ALG11: variants seen among roughly 807,000 people sequenced by gnomAD.
The protein encoded by ALG11 is GDP-Man:Man(3)GlcNAc(2)-PP-Dol alpha-1,2-mannosyltransferase.
ALG11 carries 26 observed loss-of-function variants against 38.8 expected under a neutral mutation model. That is an observed-to-expected ratio of 0.67 (90% CI 0.49 to 0.93). The LOEUF is 0.93. ALG11 is among the 40% of genes least tolerant of loss of function. The probability of loss-of-function intolerance (pLI) is 0.00; values close to 1 mark genes in which losing one functional copy is unlikely to be tolerated. For synonymous variants in ALG11, 199 were observed against 211.6 expected (o/e 0.94, Z 0.52); for missense variants, 535 against 578.8 (o/e 0.92, Z 0.78).
intron 1 of ALG11, among the ~76,000 whole-genome samples, chr13:52,014,643 TCC>T (rs897671862): frequency 3.3e-5 from 5 of 151,988 alleles, no homozygotes; most frequent in African/African-American, 1.2e-4. Context: ...CAAGCAATCC[TCC>T]CACCTCAGCC....
In ALG11 at chr13:52,024,508, T is replaced by C. The variant is rs1301367744; in HGVS notation, c.778T>C (p.Trp260Arg). The C allele has an allele frequency of 2.5e-6, 4 of 1,614,114 alleles. No homozygotes were observed. The highest frequency in any genetic ancestry group is 2.5e-6 in the Non-Finnish European group (3 of 1,180,048). ...CSDVVMVNSS[W>R]TLNHILSLWK... ...TGATGTAGTCATGGTCAATTCTTCT[T>C]GGACACTAAACCATATTCTCTCACT... Residue 260 changes from tryptophan to arginine, a missense_variant, in exon 3 of 4, where the codon TGG (tryptophan) becomes CGG (arginine). Transcript: ENST00000521508.
chr13:52,028,233 A>T, intron 3 of ALG11, 86 bp from the exon 4 acceptor site: 1 of 1,541,950 alleles, frequency 6.5e-7, no homozygotes, highest in Non-Finnish European at 8.9e-7. Context: ...AGTCCCTTAA[A>T]TTTTTTGAAG....
chr13:52,023,531 GA>G (rs1954204919), intron 2 of ALG11: 1 of 150,522 alleles, frequency 6.6e-6, no homozygotes, highest in Non-Finnish European at 1.5e-5. Flanking sequence ...CCGGGAGGCA[GA>G]GATTGTCAGC....
rs568068560 is a variant in ALG11, at chr13:52,031,954, G to T, written c.*3364G>T. ...ACGACAGTTAAGGGCTGGGTGCGGTGTCTCACACCTGTAATCCCAGCACTT... is the reference window on the plus strand; with the variant it reads ...ACGACAGTTAAGGGCTGGGTGCGGTTTCTCACACCTGTAATCCCAGCACTT... On this transcript the variant is annotated 3_prime_UTR_variant, in exon 4 of 4. Coordinates refer to ENST00000521508, the MANE Select transcript of ALG11 (RefSeq NM_001004127.3). 114 of 166,462 alleles carry T rather than the reference G, an allele frequency of 6.8e-4. 2 individuals carry two copies. Among genetic ancestry groups the T allele is most frequent in the South Asian group, 1.9e-3 (9 of 4,828 alleles). The allele number at this position is 166,462 out of a possible 1,614,324, so 10.3% of individuals were successfully genotyped here.
At chr13:52,018,870 T>C in intron 1 of ALG11, 43 bp from the exon 2 acceptor site, 1 of 1,508,690 alleles carries the variant, frequency 6.6e-7, no homozygotes, top group Non-Finnish European at 9.2e-7. Flanking sequence ...ATTTTTTTAA[T>C]GTATATATCA....
chr13:52,028,684 C>G lies in ALG11; in HGVS notation c.*94C>G. ...CTAAATTCAATCTCATTTGTCAAAT[C>G]ATTTTACTTTAGAAAACAGACAAAA... On this transcript the variant is annotated 3_prime_UTR_variant, in exon 4 of 4. Coordinates refer to ENST00000521508, the MANE Select transcript of ALG11 (RefSeq NM_001004127.3). The G allele has an allele frequency of 1.3e-6, 2 of 1,559,828 alleles. No individual in the cohort carries two copies. Among genetic ancestry groups the G allele is most frequent in the Non-Finnish European group, 1.8e-6 (2 of 1,142,246 alleles).
At chr13:52,028,280 A>T in intron 3 of ALG11, 39 bp from the exon 4 acceptor site, 1 of 1,613,798 alleles carries the variant, frequency 6.2e-7, no homozygotes. Flanking sequence ...ACACACTCAA[A>T]AACTTAAAAG....
Position 52,029,184 on chromosome 13 carries a change from T to C in ALG11, c.*594T>C, listed in dbSNP as rs780959857. ...CTTAACAAAGAAAAAATTGAACAGA[T>C]CCACAGAGAAGTAGCATTCAGTAAA... On this transcript the variant is annotated 3_prime_UTR_variant, in exon 4 of 4. Transcript: ENST00000521508. The C allele has an allele frequency of 1.9e-5, 31 of 1,613,888 alleles. No homozygotes were observed. The highest frequency in any genetic ancestry group is 2.5e-5 in the Non-Finnish European group (29 of 1,180,024).
intron 1 of ALG11, among the ~76,000 whole-genome samples, chr13:52,014,876 A>G (rs1954121845): frequency 6.6e-6 from 1 of 152,212 alleles, no homozygotes; most frequent in Non-Finnish European, 1.5e-5. Context: ...CCTCAGTAAA[A>G]TTTTTAAGAG....
chr13:52,017,526 A>G (rs1954144364), intron 1 of ALG11: 1 of 157,714 alleles, frequency 6.3e-6, no homozygotes, highest in East Asian at 1.8e-4. Flanking sequence ...GGTCTTTCCC[A>G]TGCTATTCTC....
chr13:52,031,079 C>T lies in ALG11; in HGVS notation c.*2489C>T, dbSNP rs747293991. 1.2e-5 allele frequency: 19 copies of T among 1,612,984 alleles called. No individual in the cohort carries two copies. Among genetic ancestry groups the T allele is most frequent in the African/African-American group, 1.1e-4 (8 of 74,842 alleles). On this transcript the variant is annotated 3_prime_UTR_variant, in exon 4 of 4. Coordinates refer to ENST00000521508, the MANE Select transcript of ALG11 (RefSeq NM_001004127.3). ...GAGGAATCCAAAACGAATCACCACA[C>T]GTCACAATAAAGAAGAAAAACTGTA...
At chr13:52,026,615 A>T (rs945964519) in intron 3 of ALG11, among the ~76,000 whole-genome samples, 1 of 152,168 alleles carries the variant, frequency 6.6e-6, no homozygotes, top group Non-Finnish European at 1.5e-5. Flanking sequence ...GTGTTAAATG[A>T]GGGAGGAAGA....
intron 2 of ALG11, among the ~76,000 whole-genome samples, chr13:52,020,253 C>G (rs987950148): frequency 1.3e-5 from 2 of 152,138 alleles, no homozygotes; most frequent in Non-Finnish European, 2.9e-5. Flanking sequence ...GTCATCACCA[C>G]CCCCCATACC....
Position 52,030,198 on chromosome 13 carries a change from TGAA to T in ALG11, c.*1610_*1612del, listed in dbSNP as rs1274381148. ...GAATTGAGGGCACTATCTCAGAAAT[TGAA>T]GGAAAAACATCAGTCCAGGAAGCAA... On this transcript the variant is annotated 3_prime_UTR_variant, in exon 4 of 4. Coordinates refer to ENST00000521508, the MANE Select transcript of ALG11 (RefSeq NM_001004127.3). 1 of 1,613,912 alleles carries T rather than the reference TGAA, an allele frequency of 6.2e-7. No individual in the cohort carries two copies. Among genetic ancestry groups the T allele is most frequent in the Non-Finnish European group, 8.5e-7 (1 of 1,179,998 alleles).
At position 52,030,951 on chromosome 13, in the gene ALG11, C is replaced by G. The variant is rs1954297504; in HGVS notation, c.*2361C>G. ...ACCCAGAGGGCTTTCCAAAAGCTGACTACTCCCAAGGTCGTCACCAAGCCA... is the reference window on the plus strand; with the variant it reads ...ACCCAGAGGGCTTTCCAAAAGCTGAGTACTCCCAAGGTCGTCACCAAGCCA... On this transcript the variant is annotated 3_prime_UTR_variant, in exon 4 of 4. Transcript: ENST00000521508. 2 of 1,614,104 alleles carry G rather than the reference C, an allele frequency of 1.2e-6. No homozygotes were observed. The highest frequency in any genetic ancestry group is 1.1e-5 in the South Asian group (1 of 91,082).
At position 52,030,689 on chromosome 13, in the gene ALG11, G is replaced by C; in HGVS notation, c.*2099G>C. ...AAAGGACGTGGACCTGACACTACCT[G>C]GCTGGGGCGAGTGGGGTGGTGTGGG... is the stretch of plus-strand genomic sequence containing the variant. On this transcript the variant is annotated 3_prime_UTR_variant, in exon 4 of 4. Transcript: ENST00000521508. 1 of 1,614,206 alleles carries C rather than the reference G, an allele frequency of 6.2e-7. No homozygotes were observed. The highest frequency in any genetic ancestry group is 8.5e-7 in the Non-Finnish European group (1 of 1,180,028).
In ALG11 at chr13:52,029,429, G is replaced by T. The variant is rs781704785; in HGVS notation, c.*839G>T. 1.9e-6 allele frequency: 3 copies of T among 1,614,136 alleles called. No individual in the cohort carries two copies. Among genetic ancestry groups the T allele is most frequent in the Admixed American group, 1.7e-5 (1 of 60,020 alleles). The stretch of plus-strand genomic sequence containing the variant: ...TCCTTTACTGACTCCCATGGAAAAG[G>T]CCTCTCTCCAAGCCATGAGCCTGGA... On this transcript the variant is annotated 3_prime_UTR_variant, in exon 4 of 4. Transcript: ENST00000521508.
At chr13:52,022,609 C>T (rs1954193393) in intron 2 of ALG11, 1 of 152,134 alleles carries the variant, frequency 6.6e-6, no homozygotes, top group African/African-American at 2.4e-5. Flanking sequence ...CTGTTTTCTC[C>T]ACTGGACTGA....
chr13:52,030,251 C>G lies in ALG11; in HGVS notation c.*1661C>G, dbSNP rs1012418303. The G allele has an allele frequency of 6.2e-7, 1 of 1,614,044 alleles. No individual in the cohort carries two copies. The highest frequency in any genetic ancestry group is 8.5e-7 in the Non-Finnish European group (1 of 1,180,040). On this transcript the variant is annotated 3_prime_UTR_variant, in exon 4 of 4. Transcript: ENST00000521508. ...AAAAGCAAGTTCAGAGGGGACTGTT[C>G]CCCAGGTCCAGAGAGAGGAACCTGC...
Sources: gnomAD v4.1 joint callset for allele counts (sites outside exome capture counted in the v4.1 genomes callset) on GRCh38, gnomAD v4.1.1 for gene constraint, MANE v1.5 for transcripts, NCBI Gene and HGNC (gene_info 2026-07-23, HGNC 2026-07-21) for gene names.